The following DENND1C variants were observed in gnomAD, a reference collection of about 807,000 sequenced individuals.
DENND1C encodes DENN domain containing 1C.
Under a neutral mutation model 87.9 loss-of-function variants are expected in DENND1C, and 64 were observed. That is an observed-to-expected ratio of 0.73 (90% confidence interval 0.60 to 0.90). DENND1C has a LOEUF of 0.90. Among genes scored for constraint, DENND1C ranks in the 40% least tolerant of loss-of-function variants. DENND1C has a pLI of 0.00. For synonymous variants in DENND1C, 384 were observed against 424.4 expected (o/e 0.90, Z 1.17); for missense variants, 980 against 1,037.0 (o/e 0.95, Z 0.76).
At chr19:6,468,777 G>C in intron 20 of DENND1C, 69 bp downstream of exon 20, 1 of 1,424,318 alleles carries the variant, frequency 7.0e-7, no homozygotes, top group Non-Finnish European at 9.3e-7. Context: ...ATGTCTGGAT[G>C]GGGACTGGGA....
chr19:6,468,981 C>G, intron 19 of DENND1C, 28 bp from the exon 20 acceptor site: 1 of 1,315,428 alleles, frequency 7.6e-7, no homozygotes, highest in Non-Finnish European at 9.8e-7. Flanking sequence ...AACTGGGAAC[C>G]TCTGCCACAG....
intron 19 of DENND1C, among the ~76,000 whole-genome samples, chr19:6,469,191 C>T (rs1169209697): frequency 1.3e-5 from 2 of 152,162 alleles, no homozygotes; most frequent in Non-Finnish European, 2.9e-5. Flanking sequence ...GCCACCATAC[C>T]CAGCTAATTC....
rs1181362031 is a variant in DENND1C at position 6,468,897 on chromosome 19, G to A, written c.1464C>T (p.Ser488=). 11 of 1,487,908 alleles carry A rather than the reference G, an allele frequency of 7.4e-6. No homozygotes were observed. Among genetic ancestry groups the A allele is most frequent in the Non-Finnish European group, 9.8e-6 (11 of 1,124,352 alleles). 92.2% of individuals were successfully genotyped at this position (1,487,908 alleles called of 1,614,324 possible). The change falls in exon 20 of 23, where the codon AGC becomes AGT. Residue 488 remains serine, a synonymous_variant. Transcript: ENST00000381480. ...GGCGTTGCTGCAGGCGGTCTGAGCGGCTGGGGAGGGCTGGGGCCCTCAGAG... is the reference window on the plus strand; with the variant it reads ...GGCGTTGCTGCAGGCGGTCTGAGCGACTGGGGAGGGCTGGGGCCCTCAGAG... ...GGSLRAPALP[S]RSDRLQQRLP...
chr19:6,467,819 T>G lies in DENND1C; in HGVS notation c.2091A>C (p.Glu697Asp), dbSNP rs1428348540. 1 of 1,552,324 alleles carries G rather than the reference T, an allele frequency of 6.4e-7. No individual in the cohort carries two copies. Among genetic ancestry groups the G allele is most frequent in the Non-Finnish European group, 8.7e-7 (1 of 1,150,888 alleles). Reference protein sequence around the residue: ...HKAAEDSTAQENPTPWLSTAP... With the variant: ...HKAAEDSTAQDNPTPWLSTAP... ...CAGTGGAGAGCCAGGGAGTGGGGTTTTCCTGGGCTGTAGAATCTTCAGCTG... is the reference window on the plus strand; with the variant it reads ...CAGTGGAGAGCCAGGGAGTGGGGTTGTCCTGGGCTGTAGAATCTTCAGCTG... Residue 697 changes from glutamate (E) to aspartate (D), a missense_variant, in exon 23 of 23, where the codon GAA becomes GAC. By Grantham distance (45) the Glu-to-Asp change is conservative. Coordinates refer to ENST00000381480, the MANE Select transcript of DENND1C (RefSeq NM_024898.4).
chr19:6,468,192 G>A, intron 22 of DENND1C, 42 bp downstream of exon 22: 1 of 1,612,350 alleles, frequency 6.2e-7, no homozygotes. Flanking sequence ...ACCATTAGGG[G>A]AAGACTTGGG....
At chr19:6,468,720 G>A (rs2092810842) in intron 20 of DENND1C, 75 bp from the exon 21 acceptor site, 2 of 1,377,276 alleles carry the variant, frequency 1.5e-6, no homozygotes, top group Non-Finnish European at 1.9e-6. Context: ...AGAAGGGTGA[G>A]TGTGAAGTGG....
intron 15 of DENND1C, among the ~76,000 whole-genome samples, chr19:6,471,886 G>A (rs348364): frequency 0.27 from 40,303 of 151,986 alleles, 5,501 homozygotes; most frequent in Middle Eastern, 0.36. Flanking sequence ...CAGGTGATCC[G>A]TCTGCCTTGG....
chr19:6,476,952 G>A lies in DENND1C; in HGVS notation c.583C>T (p.Leu195=), dbSNP rs756970545. ...SIPENRNLTE[L]VVAVTDENIV... Reference sequence around the variant, plus strand: ...TTCTCGTCAGTCACGGCCACCACCAGCTCCGTTAGGTTCCTCTGAGGATCA... The same window carrying A: ...TTCTCGTCAGTCACGGCCACCACCAACTCCGTTAGGTTCCTCTGAGGATCA... The change falls in exon 10 of 23, where the codon CTG becomes TTG. Residue 195 remains leucine (L), a synonymous_variant. Transcript: ENST00000381480. The A allele has an allele frequency of 1.9e-6, 3 of 1,613,702 alleles. No homozygotes were observed. The highest frequency in any genetic ancestry group is 2.5e-6 in the Non-Finnish European group (3 of 1,179,810).
intron 6 of DENND1C, 99 bp from the exon 7 acceptor site, chr19:6,477,557 G>T (rs1419355301): frequency 2.1e-6 from 2 of 974,022 alleles, no homozygotes; most frequent in Non-Finnish European, 3.2e-6. Flanking sequence ...GAGGAGCCAA[G>T]GGCTCAGGTC....
intron 4 of DENND1C, 128 bp from the exon 5 acceptor site, chr19:6,479,184 G>T (rs1054598149): frequency 6.7e-6 from 9 of 1,342,990 alleles, no homozygotes; most frequent in Admixed American, 5.2e-5. Context: ...TGAATGTCTG[G>T]ATCCCTGGGT....
chr19:6,475,824 T>C lies in DENND1C; in HGVS notation c.779+13A>G. 1 of 1,521,896 alleles carries C rather than the reference T, an allele frequency of 6.6e-7. No homozygotes were observed. The allele number at this position is 1,521,896 out of a possible 1,614,324, so 94.3% of individuals were successfully genotyped here. A position where few individuals can be genotyped will look rare whatever the true frequency, so the allele number is the denominator to read the frequency against. On this transcript the variant is annotated intron_variant, in intron 11 of 22. Coordinates refer to ENST00000381480, the MANE Select transcript of DENND1C (RefSeq NM_024898.4). ...GCCCACAGGCCCTGCCCCTCCCAGC[T>C]GCCCTCGCTCACCAGCAGTAGTCCA...
Position 6,467,223 on chromosome 19 carries a change from C to G in DENND1C, c.*281G>C, listed in dbSNP as rs1387577431. 1.9e-6 allele frequency: 1 copy of G among 527,958 alleles called. No homozygotes were observed. Among genetic ancestry groups the G allele is most frequent in the Non-Finnish European group, 3.2e-6 (1 of 311,792 alleles). 32.7% of individuals were successfully genotyped at this position (527,958 alleles called of 1,614,324 possible). A position where few individuals can be genotyped will look rare whatever the true frequency, so the allele number is the denominator to read the frequency against. On this transcript the variant is annotated 3_prime_UTR_variant, in exon 23 of 23. Coordinates refer to ENST00000381480, the MANE Select transcript of DENND1C (RefSeq NM_024898.4). ...AATTAGTAGTGAGATGTAACAAAAG[C>G]TTTATTGGTGTGTTTGAGCTGGTGG...
At chr19:6,475,641 C>T in intron 12 of DENND1C, 56 bp from the exon 13 acceptor site, 6 of 1,613,146 alleles carry the variant, frequency 3.7e-6, no homozygotes, top group Non-Finnish European at 5.1e-6. Flanking sequence ...CAGAGGAGGG[C>T]ATCTGGGGAT....
At chr19:6,472,644 C>T (rs1205245758) in intron 15 of DENND1C, among the ~76,000 whole-genome samples, 1 of 152,216 alleles carries the variant, frequency 6.6e-6, no homozygotes. Flanking sequence ...CTGCCTCGGC[C>T]TCCCAAAGTG....
In DENND1C at chr19:6,475,518, G is replaced by T. The variant is rs560998707; in HGVS notation, c.893C>A (p.Thr298Asn). The change falls in exon 13 of 23, where the codon ACC (threonine) becomes AAC (asparagine). Residue 298 changes from threonine (T) to asparagine (N), a missense_variant. By Grantham distance (65) the Thr-to-Asn change is moderately conservative (BLOSUM62 0). Coordinates refer to ENST00000381480, the MANE Select transcript of DENND1C (RefSeq NM_024898.4). ...LNVDANTLETTFNDVQALPPD... is the reference protein window; with the variant it reads ...LNVDANTLETNFNDVQALPPD... ...AGGCAGCGCCTGCACGTCGTTAAAG[G>T]TCGTCTCCAAGGTATTGGCGTCCAC... 3.1e-6 allele frequency: 5 copies of T among 1,613,832 alleles called. No homozygotes were observed. The highest frequency in any genetic ancestry group is 4.2e-6 in the Non-Finnish European group (5 of 1,179,878).
At chr19:6,480,603 T>TATCTATCG (rs1913508910) in intron 1 of DENND1C, 1 of 416,798 alleles carries the variant, frequency 2.4e-6, no homozygotes, top group Non-Finnish European at 3.2e-6. Flanking sequence ...TCTATCTATC[T>TATCTATCG]ATCTATCTAT....
Position 6,475,509 on chromosome 19 carries a change from T to C in DENND1C, c.902A>G (p.Asp301Gly). 6.2e-7 allele frequency: 1 copy of C among 1,613,874 alleles called. No homozygotes were observed. The highest frequency in any genetic ancestry group is 1.1e-5 in the South Asian group (1 of 91,076). ...DANTLETTFN[D>G]VQALPPDVVS... ...CACGTCTGGAGGCAGCGCCTGCACG[T>C]CGTTAAAGGTCGTCTCCAAGGTATT... Residue 301 changes from aspartate (D) to glycine (G), a missense_variant, in exon 13 of 23, where the codon GAC becomes GGC. Transcript: ENST00000381480.
intron 14 of DENND1C, 107 bp from the exon 15 acceptor site, chr19:6,473,100 G>T: frequency 1.3e-6 from 1 of 768,834 alleles, no homozygotes; most frequent in Non-Finnish European, 1.9e-6. Flanking sequence ...CTGTGTGTCT[G>T]ATCCTGTGTG....
chr19:6,478,631 G>A (rs1408949126), intron 6 of DENND1C, among the ~76,000 whole-genome samples, 152 bp downstream of exon 6: 1 of 152,026 alleles, frequency 6.6e-6, no homozygotes, highest in Non-Finnish European at 1.5e-5. Context: ...GGGCTCAAGG[G>A]ATCCTCCCAC....
Sources: allele counts gnomAD v4.1 joint callset (sites outside exome capture counted in the v4.1 genomes callset), GRCh38; gene constraint gnomAD v4.1.1; transcripts MANE v1.5; gene names NCBI Gene and HGNC (gene_info 2026-07-23, HGNC 2026-07-21).